DIS3L2: variants seen among roughly 807,000 people sequenced by gnomAD.
DIS3L2 encodes the protein DIS3 like 3'-5' exoribonuclease 2.
A neutral mutation model predicts 97.5 loss-of-function variants in DIS3L2; 34 were observed. That is an observed-to-expected ratio of 0.35 (90% CI 0.27 to 0.46). The LOEUF (loss-of-function observed/expected upper bound fraction) is 0.46, where lower values mean the gene tolerates loss of function less well. Among genes scored for constraint, DIS3L2 ranks in the 20% least tolerant of loss-of-function variants. The pLI is 1.00. For missense variants in DIS3L2, 1,038 were observed against 1,146.0 expected, an observed-to-expected ratio of 0.91 and a Z score of 1.36; for synonymous variants, 435 against 445.2, an observed-to-expected ratio of 0.98 and a Z score of 0.29.
At chr2:232,025,947 A>G (rs1366940815) in intron 4 of DIS3L2, among the ~76,000 whole-genome samples, 3 of 152,278 alleles carry the variant, frequency 2.0e-5, no homozygotes, top group South Asian at 2.1e-4. Flanking sequence ...ATGTCACTCA[A>G]TGTAGTAAGT....
intron 13 of DIS3L2, among the ~76,000 whole-genome samples, 180 bp downstream of exon 13, chr2:232,263,620 A>T (rs1320364213): frequency 6.6e-6 from 1 of 152,076 alleles, no homozygotes; most frequent in Non-Finnish European, 1.5e-5. Flanking sequence ...CAAATACAGG[A>T]TATTATGCAA....
At chr2:232,163,320 T>G in intron 8 of DIS3L2, 139 bp from the exon 9 acceptor site, 1 of 780,964 alleles carries the variant, frequency 1.3e-6, no homozygotes, top group Non-Finnish European at 2.0e-6. Context: ...TTGCCAGTGA[T>G]TTACGGATGA....
At chr2:231,991,690 T>C (rs1288632769) in intron 1 of DIS3L2, among the ~76,000 whole-genome samples, 2 of 152,222 alleles carry the variant, frequency 1.3e-5, no homozygotes, top group Non-Finnish European at 2.9e-5. Context: ...TAATTCCTGA[T>C]GTGACATTAG....
chr2:232,013,108 G>T (rs1219373782), intron 1 of DIS3L2, among the ~76,000 whole-genome samples: 1 of 152,110 alleles, frequency 6.6e-6, no homozygotes, highest in Non-Finnish European at 1.5e-5. Context: ...TTGCTAGATG[G>T]TGCCACTTTG....
intron 8 of DIS3L2, among the ~76,000 whole-genome samples, chr2:232,156,310 C>T (rs1690491923): frequency 6.6e-6 from 1 of 151,986 alleles, no homozygotes; most frequent in South Asian, 2.1e-4. Flanking sequence ...TTTTTGTTTC[C>T]TTTCATGACT....
intron 1 of DIS3L2, among the ~76,000 whole-genome samples, chr2:231,971,403 C>T (rs1012305482): frequency 1.3e-5 from 2 of 151,850 alleles, no homozygotes; most frequent in Non-Finnish European, 2.9e-5. Context: ...TTTAGCCTCC[C>T]GAGTAGCTGG....
At chr2:232,298,830 T>C (rs1046623313) in intron 13 of DIS3L2, among the ~76,000 whole-genome samples, 5 of 152,242 alleles carry the variant, frequency 3.3e-5, no homozygotes, top group African/African-American at 1.2e-4. Context: ...CAACTGGCTC[T>C]AGCAGGGCAT....
intron 9 of DIS3L2, among the ~76,000 whole-genome samples, chr2:232,190,926 A>G (rs907985371): frequency 1.3e-5 from 2 of 152,204 alleles, no homozygotes; most frequent in African/African-American, 4.8e-5. Context: ...ACAAGTTCCA[A>G]ACAAGGGTGA....
At chr2:232,327,952 G>A (rs1028263622) in intron 14 of DIS3L2, among the ~76,000 whole-genome samples, 2 of 152,240 alleles carry the variant, frequency 1.3e-5, no homozygotes, top group African/African-American at 2.4e-5. Flanking sequence ...AGGATGGGGA[G>A]GGCTCTGTGA....
At chr2:232,320,616 GGGAAGTTGCA>G (rs1022932878) in intron 14 of DIS3L2, among the ~76,000 whole-genome samples, 8 of 152,206 alleles carry the variant, frequency 5.3e-5, no homozygotes, top group Non-Finnish European at 2.9e-5. Context: ...ATAAGCTGAA[GGGAAGTTGCA>G]GGAGCCATAA....
intron 1 of DIS3L2, among the ~76,000 whole-genome samples, chr2:231,980,234 G>T (rs965470356): frequency 6.6e-6 from 1 of 152,086 alleles, no homozygotes; most frequent in African/African-American, 2.4e-5. Context: ...CATTTTAAAG[G>T]AAACAATTTA....
Position 232,157,628 on chromosome 2 carries a change from G to A in DIS3L2, c.951-5831G>A, listed in dbSNP as rs547157337. On this transcript the variant is annotated intron_variant, in intron 8 of 20. Transcript: ENST00000325385. ...AAACCTAGAGTAAGTGTCTCTTTTA[G>A]TGGAGGAATTACTGCCTTTCCCATC... Among the ~76,000 whole-genome samples, 110 of 152,292 alleles carry A rather than the reference G, an allele frequency of 7.2e-4. 1 individual carries two copies. The highest frequency in any genetic ancestry group is 2.6e-3 in the African/African-American group (108 of 41,556).
intron 5 of DIS3L2, among the ~76,000 whole-genome samples, chr2:232,086,354 T>C (rs1696597154): frequency 1.1e-5 from 1 of 89,166 alleles, no homozygotes; most frequent in African/African-American, 5.1e-5. Context: ...TATATGTATA[T>C]ATATGTGTAT....
intron 14 of DIS3L2, among the ~76,000 whole-genome samples, chr2:232,327,136 A>T (rs538135031): frequency 6.6e-6 from 1 of 151,936 alleles, no homozygotes. Flanking sequence ...CAGATATTCA[A>T]TTCCTAAACC....
rs183943445 is a variant in DIS3L2 at position 232,296,586 on chromosome 2, A to G, written c.1660-3454A>G. On this transcript the variant is annotated intron_variant, in intron 13 of 20. Coordinates refer to ENST00000325385, the MANE Select transcript of DIS3L2 (RefSeq NM_152383.5). Reference sequence around the variant, plus strand: ...TCTCGTGGTAGTGAATAAGCCTCACAGGATCTGATGGTTTTGTAAATGGGA... The same window carrying G: ...TCTCGTGGTAGTGAATAAGCCTCACGGGATCTGATGGTTTTGTAAATGGGA... 1.5e-4 allele frequency among the ~76,000 whole-genome samples: 23 copies of G among 152,274 alleles called. 1 individual carries two copies. In the East Asian group the frequency reaches 2.1e-3, roughly 14 times the overall value.
rs1398764526 is a variant in DIS3L2 at position 232,092,164 on chromosome 2, G to C, written c.601+4443G>C. ...TATTGAAGAGACTGTCCTTTCCCCA[G>C]TGCATGTTATTGGCACCTTTGTTGA... On this transcript the variant is annotated intron_variant, in intron 6 of 20. Coordinates refer to ENST00000325385, the MANE Select transcript of DIS3L2 (RefSeq NM_152383.5). Among the ~76,000 whole-genome samples the C allele has an allele frequency of 2.0e-5, 3 of 152,068 alleles. No individual in the cohort carries two copies. The East Asian group carries it at 5.8e-4, about 29-fold the overall frequency.
chr2:231,993,199 G>T lies in DIS3L2; in HGVS notation c.-93-21636G>T, dbSNP rs3116154. Among the ~76,000 whole-genome samples the T allele has an allele frequency of 4.6e-5, 7 of 152,236 alleles. No individual in the cohort carries two copies. The East Asian group carries it at 1.4e-3, about 29-fold the overall frequency. ...CCCTGTCCTGGTGCATGTAACTCCC[G>T]TCCATCCAATTATGTAAGCTAGAAA... On this transcript the variant is annotated intron_variant, in intron 1 of 20. Coordinates refer to ENST00000325385, the MANE Select transcript of DIS3L2 (RefSeq NM_152383.5).
At chr2:232,108,781 A>G (rs1271741219) in intron 6 of DIS3L2, among the ~76,000 whole-genome samples, 1 of 152,210 alleles carries the variant, frequency 6.6e-6, no homozygotes, top group East Asian at 1.9e-4. Flanking sequence ...GCTGAGAGCC[A>G]AATCACAAAT....
At chr2:232,208,580 T>C (rs1419061012) in intron 9 of DIS3L2, among the ~76,000 whole-genome samples, 1 of 152,182 alleles carries the variant, frequency 6.6e-6, no homozygotes, top group Non-Finnish European at 1.5e-5. Flanking sequence ...CAAAGTGCTT[T>C]GTTTTCTTTT....
Sources: gnomAD v4.1 joint callset for allele counts (sites outside exome capture counted in the v4.1 genomes callset) on GRCh38, gnomAD v4.1.1 for gene constraint, MANE v1.5 for transcripts, NCBI Gene and HGNC (gene_info 2026-07-23, HGNC 2026-07-21) for gene names.